Variants in PITPNM3 observed in about 807,000 individuals in gnomAD.
PITPNM3 encodes the protein PITPNM family member 3.
A neutral mutation model predicts 102.0 loss-of-function variants in PITPNM3; 26 were observed. The observed-to-expected ratio is 0.25, with a 90% confidence interval of 0.19 to 0.35. The LOEUF is 0.35. Among genes scored for constraint, PITPNM3 ranks in the 10% least tolerant of loss-of-function variants. The pLI, the probability that PITPNM3 is intolerant of heterozygous loss-of-function variation, is 1.00. For missense variants in PITPNM3, 1,083 were observed against 1,346.1 expected (o/e 0.80, Z 3.06); for synonymous variants, 578 against 558.6 (o/e 1.03, Z -0.49).
At chr17:6,491,836 T>TATATAAAA (rs148932496) in intron 4 of PITPNM3, among the ~76,000 whole-genome samples, 21 of 139,286 alleles carry the variant, frequency 1.5e-4, no homozygotes, top group South Asian at 4.7e-4. Flanking sequence ...TATATATATA[T>TATATAAAA]AATAAAGAAT....
intron 1 of PITPNM3, among the ~76,000 whole-genome samples, chr17:6,539,339 G>A (rs931872777): frequency 6.6e-6 from 1 of 152,152 alleles, no homozygotes; most frequent in Non-Finnish European, 1.5e-5. Context: ...CCAAATGTAT[G>A]TGGAGGACAT....
At chr17:6,555,922 G>C (rs548037914) in intron 1 of PITPNM3, among the ~76,000 whole-genome samples, 2 of 152,110 alleles carry the variant, frequency 1.3e-5, no homozygotes, top group South Asian at 2.1e-4. Flanking sequence ...TCTCTGGACT[G>C]AGCTGGTGAC....
intron 17 of PITPNM3, among the ~76,000 whole-genome samples, chr17:6,463,417 G>GGGAGGGAGGTAGGGAGGGAA (rs1904576169): frequency 1.7e-5 from 1 of 58,722 alleles, no homozygotes. Context: ...CACGAGTGCA[G>GGGAGGGAGGTAGGGAGGGAA]GGAGGGAGGC....
chr17:6,554,063 A>C (rs1016341442), intron 1 of PITPNM3, among the ~76,000 whole-genome samples: 4 of 152,166 alleles, frequency 2.6e-5, no homozygotes, highest in African/African-American at 9.6e-5. Context: ...TCACACCTGT[A>C]ATCCCATCAC....
intron 3 of PITPNM3, among the ~76,000 whole-genome samples, chr17:6,511,665 C>T (rs1337682835): frequency 6.6e-6 from 1 of 152,144 alleles, no homozygotes; most frequent in African/African-American, 2.4e-5. Flanking sequence ...AGAAAGAAAA[C>T]CATAACCTCA....
intron 2 of PITPNM3, among the ~76,000 whole-genome samples, chr17:6,526,674 C>T (rs1418201401): frequency 1.3e-5 from 2 of 152,144 alleles, no homozygotes; most frequent in Non-Finnish European, 1.5e-5. Flanking sequence ...CTTATCTAAC[C>T]GTTACCATAC....
intron 4 of PITPNM3, among the ~76,000 whole-genome samples, chr17:6,497,888 T>G (rs1055859094): frequency 6.6e-6 from 1 of 152,202 alleles, no homozygotes; most frequent in African/African-American, 2.4e-5. Flanking sequence ...CAACTCGCAC[T>G]TTCCCAGCCT....
chr17:6,515,397 C>CAAAAAAAAAAAA (rs61420968), intron 3 of PITPNM3, among the ~76,000 whole-genome samples: 9 of 82,218 alleles, frequency 1.1e-4, no homozygotes, highest in Non-Finnish European at 1.8e-4. Context: ...GACTCCATCT[C>CAAAAAAAAAAAA]AAAAAAAAAA....
rs1910629314 is a variant in PITPNM3 at position 6,556,546 on chromosome 17, A to C, written c.-140T>G. 2 of 426,300 alleles carry C rather than the reference A, an allele frequency of 4.7e-6. No homozygotes were observed. The highest frequency in any genetic ancestry group is 6.0e-6 in the Non-Finnish European group (2 of 331,798). The allele number at this position is 426,300 out of a possible 1,614,324, so 26.4% of individuals were successfully genotyped here. On this transcript the variant is annotated 5_prime_UTR_variant, in exon 1 of 20. Transcript: ENST00000262483. This position sits in a 1 kb window ranked among gnomAD's most constrained non-coding sequence, Gnocchi z 5.2. ...CGCTCGCCTCGGCTGCCGCCACCGC[A>C]GCCGCCGCCGCCTCGCCGCTCCCTC... is the stretch of plus-strand genomic sequence containing the variant.
Position 6,517,639 on chromosome 17 carries a change from A to T in PITPNM3, c.226+7717T>A, listed in dbSNP as rs1057444497. 6.6e-6 allele frequency among the ~76,000 whole-genome samples: 1 copy of T among 151,972 alleles called. No homozygotes were observed. Among genetic ancestry groups the T allele is most frequent in the African/African-American group, 2.4e-5 (1 of 41,340 alleles). Reference sequence around the variant, plus strand: ...CAGTGGAGCAAGCATGGCTCACTGCAGCCTTAACCTCCTGGGTTCAAGCAA... The same window carrying T: ...CAGTGGAGCAAGCATGGCTCACTGCTGCCTTAACCTCCTGGGTTCAAGCAA... On this transcript the variant is annotated intron_variant, in intron 3 of 19. Coordinates refer to ENST00000262483, the MANE Select transcript of PITPNM3 (RefSeq NM_031220.4). This position sits in a 1 kb window ranked among gnomAD's most constrained non-coding sequence, Gnocchi z 4.1.
chr17:6,555,810 C>T (rs1482311036), intron 1 of PITPNM3, among the ~76,000 whole-genome samples: 1 of 152,226 alleles, frequency 6.6e-6, no homozygotes. Context: ...AAGAGGCCTC[C>T]GCAGCTGAGG....
Position 6,455,348 on chromosome 17 carries a change from G to T in PITPNM3, c.2915C>A (p.Ser972Ter), listed in dbSNP as rs777744887. The T allele has an allele frequency of 1.9e-4, 298 of 1,578,188 alleles. 1 individual carries two copies. The highest frequency in any genetic ancestry group is 2.6e-4 in the Non-Finnish European group (297 of 1,164,152). Residue 972 changes from serine to a stop codon, truncating the protein, a stop_gained, in exon 20 of 20, where the codon TCG (serine) becomes TAG (stop). Transcript: ENST00000262483. LOFTEE classifies it high-confidence loss of function. ...SWARGPPKFE[S>*]VP ...AGCACAGCCCACCCCTCAGGGCACC[G>T]ACTCGAACTTGGGGGGCCCACGCGC...
At chr17:6,553,854 C>A (rs1352722983) in intron 1 of PITPNM3, among the ~76,000 whole-genome samples, 1 of 152,068 alleles carries the variant, frequency 6.6e-6, no homozygotes, top group Non-Finnish European at 1.5e-5. Context: ...TCTCCTTGGG[C>A]CTCAGTTTCC....
intron 2 of PITPNM3, among the ~76,000 whole-genome samples, chr17:6,533,646 G>A (rs974673894): frequency 2.0e-5 from 3 of 151,828 alleles, no homozygotes; most frequent in African/African-American, 7.3e-5. Context: ...TAGTAGAGAC[G>A]GGCTTTCACC....
At chr17:6,476,717 G>A (rs1905318089) in intron 9 of PITPNM3, among the ~76,000 whole-genome samples, 1 of 152,240 alleles carries the variant, frequency 6.6e-6, no homozygotes, top group East Asian at 1.9e-4. Flanking sequence ...AAACCATGCA[G>A]TGAAGTAGGC....
chr17:6,532,698 G>A (rs924540780), intron 2 of PITPNM3, among the ~76,000 whole-genome samples: 5 of 152,090 alleles, frequency 3.3e-5, no homozygotes, highest in African/African-American at 1.2e-4. Flanking sequence ...ACCACAATTT[G>A]TTCACTCACT....
At chr17:6,548,869 A>G (rs143166820) in intron 1 of PITPNM3, among the ~76,000 whole-genome samples, 22 of 152,186 alleles carry the variant, frequency 1.4e-4, no homozygotes, top group Admixed American at 5.2e-4. Flanking sequence ...ACAGAGCCCA[A>G]CGCGTTTCTA....
intron 3 of PITPNM3, among the ~76,000 whole-genome samples, chr17:6,521,826 CTG>C (rs1310278629): frequency 1.3e-5 from 2 of 152,208 alleles, no homozygotes; most frequent in East Asian, 3.8e-4. Context: ...AAAAACCACA[CTG>C]TGAACTCCAC....
At chr17:6,528,935 G>A (rs1422716969) in intron 2 of PITPNM3, among the ~76,000 whole-genome samples, 1 of 152,208 alleles carries the variant, frequency 6.6e-6, no homozygotes, top group Admixed American at 6.5e-5. Context: ...TGTAGGACAT[G>A]CCTCCAACAG....
Sources: allele counts gnomAD v4.1 joint callset (sites outside exome capture counted in the v4.1 genomes callset), GRCh38; gene constraint gnomAD v4.1.1; non-coding constraint Gnocchi (gnomAD v3.1); transcripts MANE v1.5; gene names NCBI Gene and HGNC (gene_info 2026-07-23, HGNC 2026-07-21).